The following KLHL5 variants were observed in gnomAD, a reference collection of about 807,000 sequenced individuals.
KLHL5 encodes the protein kelch like family member 5.
In KLHL5, 48 loss-of-function variants were observed where a neutral mutation model predicts 77.7. That is an observed-to-expected ratio of 0.62 (90% CI 0.49 to 0.79). KLHL5 has a LOEUF of 0.79. KLHL5 is among the 30% of genes least tolerant of loss of function. The pLI, the probability that KLHL5 is intolerant of heterozygous loss-of-function variation, is 0.00. For missense variants in KLHL5, 723 were observed against 859.7 expected (o/e 0.84, Z 1.99); for synonymous variants, 260 against 297.0 (o/e 0.88, Z 1.28).
chr4:39,078,103 A>G (rs554067345), intron 2 of KLHL5, among the ~76,000 whole-genome samples: 9 of 152,274 alleles, frequency 5.9e-5, no homozygotes, highest in African/African-American at 1.4e-4. Flanking sequence ...GAATGATACA[A>G]TGAGGCCAGG....
chr4:39,142,650 C>A, the KLHL5 span, among the ~76,000 whole-genome samples: 3 of 151,974 alleles, frequency 2.0e-5, no homozygotes, highest in Non-Finnish European at 4.4e-5. Flanking sequence ...TAGGAACTAC[C>A]CAAATGTCCT....
At chr4:39,093,196 G>A (rs895073957) in intron 5 of KLHL5, 4 of 452,658 alleles carry the variant, frequency 8.8e-6, no homozygotes, top group Admixed American at 2.4e-5. Flanking sequence ...GCACTGATAC[G>A]AGGAGCTACA....
intron 10 of KLHL5, chr4:39,120,335 A>G (rs1178790733): frequency 2.0e-5 from 3 of 152,234 alleles, no homozygotes; most frequent in African/African-American, 7.2e-5. Context: ...CTTTATCCAT[A>G]AATTTAGATT....
chr4:39,067,880 A>G (rs1461733193), intron 1 of KLHL5, among the ~76,000 whole-genome samples: 1 of 151,842 alleles, frequency 6.6e-6, no homozygotes, highest in Non-Finnish European at 1.5e-5. Flanking sequence ...ATGGGGTTTC[A>G]CCGCGTTGGC....
At chr4:39,130,487 G>T (rs886413419), downstream of KLHL5, among the ~76,000 whole-genome samples, 1 of 152,196 alleles carries the variant, frequency 6.6e-6, no homozygotes, top group African/African-American at 2.4e-5. Flanking sequence ...GTGCTGCAGA[G>T]ATTTTATTTA....
Position 39,054,542 on chromosome 4 carries a change from C to CT in KLHL5, c.-94-8015dup, listed in dbSNP as rs1407934200. Among the ~76,000 whole-genome samples, 3 of 152,180 alleles carry CT rather than the reference C, an allele frequency of 2.0e-5. No homozygotes were observed. The East Asian group carries it at 5.8e-4, about 29-fold the overall frequency. On this transcript the variant is annotated intron_variant, in intron 1 of 11. Coordinates refer to the KLHL5 transcript ENST00000261425. Reference sequence around the variant, plus strand: ...TATAAATCCTGACCGTTACTCAATACTTAGATGTGCCACTTACTTAATCCT... The same window carrying CT: ...TATAAATCCTGACCGTTACTCAATACTTTAGATGTGCCACTTACTTAATCCT...
upstream of KLHL5, among the ~76,000 whole-genome samples, chr4:39,060,769 G>A (rs1577640297): frequency 6.6e-6 from 1 of 152,164 alleles, no homozygotes; most frequent in East Asian, 1.9e-4. Context: ...AAGGTGAGAG[G>A]AGAGGGGAAA....
At chr4:39,046,739 G>A (rs560296808) in intron 1 of KLHL5, among the ~76,000 whole-genome samples, 1 of 152,324 alleles carries the variant, frequency 6.6e-6, no homozygotes, top group East Asian at 1.9e-4. Context: ...ATGGGATGCA[G>A]TTGACAATAT....
chr4:39,111,380 A>G (rs1045453657), intron 8 of KLHL5, among the ~76,000 whole-genome samples: 30 of 152,234 alleles, frequency 2.0e-4, no homozygotes, highest in African/African-American at 6.8e-4. Context: ...GCAAACCCAC[A>G]GATTCTGGTT....
At position 39,124,802 on chromosome 4, in the gene KLHL5, CA is replaced by C. The variant is rs71643268; in HGVS notation, c.*3760del. 0.011 allele frequency among the ~76,000 whole-genome samples: 486 copies of C among 44,096 alleles called. 3 individuals are homozygous for C. The highest frequency in any genetic ancestry group is 0.025 in the African/African-American group (345 of 13,542). The allele number at this position is 44,096 out of a possible 152,430, so 28.9% of individuals were successfully genotyped here. ...GCACCAAAAGCACAAGCAACAACAG[CA>C]AAAAAAAAAAAAAAAAAAAAAAATC... On this transcript the variant is annotated 3_prime_UTR_variant, in exon 11 of 11. Coordinates refer to ENST00000504108, the MANE Select transcript of KLHL5 (RefSeq NM_015990.5).
At chr4:39,049,281 T>A (rs944235591) in intron 1 of KLHL5, among the ~76,000 whole-genome samples, 1 of 152,248 alleles carries the variant, frequency 6.6e-6, no homozygotes, top group African/African-American at 2.4e-5. Context: ...ATGTCTTTTA[T>A]TAGTTTGAAA....
intron 5 of KLHL5, 66 bp downstream of exon 5, chr4:39,086,793 C>A: frequency 1.7e-6 from 2 of 1,177,896 alleles, no homozygotes; most frequent in Non-Finnish European, 2.5e-6. Flanking sequence ...AATAATTGTA[C>A]ATGTATTCCT....
chr4:39,102,035 T>C (rs1233158987), intron 6 of KLHL5, among the ~76,000 whole-genome samples: 1 of 150,226 alleles, frequency 6.7e-6, no homozygotes, highest in South Asian at 2.1e-4. Context: ...CCAAATAATT[T>C]AGAATTCTGT....
chr4:39,061,300 AGCTTAGATAG>A (rs1256112596), upstream of KLHL5, among the ~76,000 whole-genome samples: 5 of 152,160 alleles, frequency 3.3e-5, no homozygotes, highest in Admixed American at 2.6e-4. Context: ...TTTTTTGGTC[AGCTTAGATAG>A]GCATTGCCTT....
rs780815501 is a variant in KLHL5, at chr4:39,081,940, T to C, written c.704-23T>C. On this transcript the variant is annotated intron_variant, in intron 3 of 10. Coordinates refer to ENST00000504108, the MANE Select transcript of KLHL5 (RefSeq NM_015990.5). This position sits in a 1 kb window ranked among gnomAD's most constrained non-coding sequence, Gnocchi z 4.3. ...AAGGTTAATGTAGTTCCATGGCTAA[T>C]GGAATTTCTTTTTATCATTAAGGCC... 6.5e-5 allele frequency: 100 copies of C among 1,527,844 alleles called. No homozygotes were observed. Among genetic ancestry groups the C allele is most frequent in the Middle Eastern group, 1.8e-4 (1 of 5,504 alleles). The allele number at this position is 1,527,844 out of a possible 1,614,324, so 94.6% of individuals were successfully genotyped here.
chr4:39,113,637 T>C (rs1257702334), intron 9 of KLHL5, among the ~76,000 whole-genome samples: 1 of 152,164 alleles, frequency 6.6e-6, no homozygotes, highest in Non-Finnish European at 1.5e-5. Flanking sequence ...AAAACTCAAG[T>C]GTGGTGCCAG....
At position 39,113,052 on chromosome 4, in the gene KLHL5, C is replaced by G; in HGVS notation, c.1721C>G (p.Ser574Cys). The change falls in exon 9 of 11, where the codon TCT becomes TGT. Residue 574 changes from serine to cysteine, a missense_variant. Transcript: ENST00000504108. ...GCAGTTGGTGGTCGTGATGGAAGTTCTTGTCTCAAATCAGTAGAATGTTTT... is the reference window on the plus strand; with the variant it reads ...GCAGTTGGTGGTCGTGATGGAAGTTGTTGTCTCAAATCAGTAGAATGTTTT... ...LYAVGGRDGS[S>C]CLKSVECFDP... The G allele has an allele frequency of 6.2e-7, 1 of 1,613,650 alleles. No individual in the cohort carries two copies. The highest frequency in any genetic ancestry group is 8.5e-7 in the Non-Finnish European group (1 of 1,179,912).
At chr4:39,090,989 T>A (rs1720489062) in intron 5 of KLHL5, among the ~76,000 whole-genome samples, 1 of 148,622 alleles carries the variant, frequency 6.7e-6, no homozygotes, top group Admixed American at 6.7e-5. Flanking sequence ...TTTTTAATTT[T>A]TTTTTTTTTT....
the KLHL5 span, among the ~76,000 whole-genome samples, chr4:39,142,761 G>A: frequency 6.8e-6 from 1 of 146,588 alleles, no homozygotes; most frequent in Admixed American, 6.8e-5. Flanking sequence ...CAACTTGGAA[G>A]AACCTCAAGG....
Sources: gnomAD v4.1 joint callset for allele counts (sites outside exome capture counted in the v4.1 genomes callset) on GRCh38, gnomAD v4.1.1 for gene constraint, Gnocchi (gnomAD v3.1) non-coding constraint, MANE v1.5 for transcripts, NCBI Gene and HGNC (gene_info 2026-07-23, HGNC 2026-07-21) for gene names.